The following OLFML2B variants were observed in gnomAD, a reference collection of about 807,000 sequenced individuals.
OLFML2B encodes the protein olfactomedin-like protein 2B.
A neutral mutation model predicts 74.9 loss-of-function variants in OLFML2B; 57 were observed. The ratio of observed to expected loss-of-function variants is 0.76; its 90% confidence interval spans 0.61 to 0.95. OLFML2B has a LOEUF of 0.95. Among genes scored for constraint, OLFML2B ranks in the 40% least tolerant of loss-of-function variants. OLFML2B has a pLI of 0.00. For missense variants in OLFML2B, 986 were observed against 970.6 expected (o/e 1.02, Z -0.21); for synonymous variants, 388 against 405.8 (o/e 0.96, Z 0.53).
rs577503422 is a variant in OLFML2B, at chr1:162,018,356, C to T, written c.439-849G>A. 4.6e-5 allele frequency among the ~76,000 whole-genome samples: 7 copies of T among 152,284 alleles called. No homozygotes were observed. In the South Asian group the frequency reaches 1.2e-3, roughly 27 times the overall value. On this transcript the variant is annotated intron_variant, in intron 2 of 7. Transcript: ENST00000294794. ...ATCTCTGTTTCCCCAAGATAGCTGG[C>T]TCATAACAGGTATTTTTATTCTATA...
chr1:161,994,612 C>T (rs1039245759), intron 6 of OLFML2B, among the ~76,000 whole-genome samples: 4 of 152,206 alleles, frequency 2.6e-5, no homozygotes, highest in African/African-American at 9.6e-5. Context: ...GTAGCCTGAG[C>T]TATTCCCAAA....
chr1:162,006,237 G>A, intron 4 of OLFML2B, 60 bp downstream of exon 4: 1 of 1,462,362 alleles, frequency 6.8e-7, no homozygotes, highest in East Asian at 2.4e-5. Context: ...GCAGAGGAGA[G>A]ATGCTGATAT....
chr1:162,021,868 T>C (rs1345944334), intron 1 of OLFML2B, among the ~76,000 whole-genome samples: 1 of 152,128 alleles, frequency 6.6e-6, no homozygotes, highest in Admixed American at 6.5e-5. Context: ...AGCCCCAGTG[T>C]GAGAGATTTT....
chr1:161,990,737 T>C (rs1219201391), intron 6 of OLFML2B, among the ~76,000 whole-genome samples: 1 of 152,230 alleles, frequency 6.6e-6, no homozygotes, highest in Non-Finnish European at 1.5e-5. Context: ...CTTCCTTTCA[T>C]GAAAGATTTC....
chr1:162,013,536 T>A (rs535691953), intron 3 of OLFML2B, among the ~76,000 whole-genome samples: 2 of 152,318 alleles, frequency 1.3e-5, no homozygotes, highest in African/African-American at 4.8e-5. Context: ...GGAGGCAATG[T>A]AAACTTATAC....
At chr1:161,996,000 C>A (rs1689887321) in intron 6 of OLFML2B, among the ~76,000 whole-genome samples, 1 of 152,168 alleles carries the variant, frequency 6.6e-6, no homozygotes, top group Non-Finnish European at 1.5e-5. Context: ...CCAAGGCAGT[C>A]TGCAGAAACA....
intron 6 of OLFML2B, among the ~76,000 whole-genome samples, chr1:161,995,680 C>T (rs1418797339): frequency 6.6e-6 from 1 of 152,166 alleles, no homozygotes; most frequent in African/African-American, 2.4e-5. Context: ...GGAAGAGGCT[C>T]CCAGGCTGGC....
At chr1:161,999,945 C>T (rs577147638) in intron 5 of OLFML2B, among the ~76,000 whole-genome samples, 168 bp downstream of exon 5, 4 of 152,280 alleles carry the variant, frequency 2.6e-5, no homozygotes, top group East Asian at 3.9e-4. Context: ...GGCCACTCAG[C>T]GAGCTGTGAG....
intron 2 of OLFML2B, among the ~76,000 whole-genome samples, chr1:162,018,416 C>T (rs7532680): frequency 0.36 from 54,438 of 152,056 alleles, 14,157 homozygotes; most frequent in African/African-American, 0.73. Context: ...TGTCAATACC[C>T]TGAGGATGTG....
At chr1:162,018,446 C>T (rs1558069030) in intron 2 of OLFML2B, among the ~76,000 whole-genome samples, 1 of 152,180 alleles carries the variant, frequency 6.6e-6, no homozygotes. Flanking sequence ...CACTCAATTT[C>T]ATTGTCTACT....
chr1:161,998,481 C>T lies in OLFML2B; in HGVS notation c.950-132G>A, dbSNP rs891213947. Reference sequence around the variant, plus strand: ...ACGACGGCTTGAGTTACAGAGGGGGCCTGGCTGGGATTTTGGAAGAAGGTG... The same window carrying T: ...ACGACGGCTTGAGTTACAGAGGGGGTCTGGCTGGGATTTTGGAAGAAGGTG... On this transcript the variant is annotated intron_variant, in intron 5 of 7. Transcript: ENST00000294794. 6.1e-6 allele frequency: 6 copies of T among 987,960 alleles called. No homozygotes were observed. In the African/African-American group the frequency reaches 6.5e-5, roughly 11 times the overall value. 61.2% of individuals were successfully genotyped at this position (987,960 alleles called of 1,614,324 possible).
At chr1:162,002,699 C>T (rs1050262112) in intron 4 of OLFML2B, among the ~76,000 whole-genome samples, 1 of 152,176 alleles carries the variant, frequency 6.6e-6, no homozygotes, top group Non-Finnish European at 1.5e-5. Flanking sequence ...CAGTGGTGAC[C>T]GACTCCTGAA....
In OLFML2B at chr1:162,006,286, T is replaced by C. The variant is rs756038822; in HGVS notation, c.723+11A>G. 10 of 1,548,896 alleles carry C rather than the reference T, an allele frequency of 6.5e-6. No individual in the cohort carries two copies. Among genetic ancestry groups the C allele is most frequent in the Non-Finnish European group, 8.7e-6 (10 of 1,151,826 alleles). ...CTTGTGATCAGAGGCCCTTGGAGGC[T>C]GGGGCTATACCTCTGGGTGGGCGTA... On this transcript the variant is annotated intron_variant, in intron 4 of 7. Coordinates refer to ENST00000294794, the MANE Select transcript of OLFML2B (RefSeq NM_015441.3).
At chr1:162,007,177 A>C (rs1690258769) in intron 3 of OLFML2B, among the ~76,000 whole-genome samples, 1 of 152,194 alleles carries the variant, frequency 6.6e-6, no homozygotes, top group African/African-American at 2.4e-5. Context: ...GTACCTCTTG[A>C]GTGTCTAAGT....
At chr1:162,005,902 C>CT (rs368990706) in intron 4 of OLFML2B, among the ~76,000 whole-genome samples, 2,142 of 77,796 alleles carry the variant, frequency 0.028, 197 homozygotes, top group African/African-American at 0.059. Context: ...TGGAACCTAT[C>CT]AAAAAAAAAA....
At chr1:162,012,622 C>T (rs1018532830) in intron 3 of OLFML2B, among the ~76,000 whole-genome samples, 6 of 152,238 alleles carry the variant, frequency 3.9e-5, no homozygotes, top group South Asian at 2.1e-4. Flanking sequence ...CAGGTAGATT[C>T]GTGAAAAAGG....
intron 6 of OLFML2B, among the ~76,000 whole-genome samples, chr1:161,990,471 A>T (rs1191351289): frequency 6.6e-6 from 1 of 152,244 alleles, no homozygotes; most frequent in Non-Finnish European, 1.5e-5. Flanking sequence ...TTATGTTTAC[A>T]CTATACTGCA....
chr1:162,023,760 C>T lies in OLFML2B; in HGVS notation c.-330G>A. ...CTCAGGTGGCTGGAAGGCGTTCGGA[C>T]AGACGCCCGCGGTGCGCGCCGGGAC... On this transcript the variant is annotated 5_prime_UTR_variant, in exon 1 of 8. Coordinates refer to ENST00000294794, the MANE Select transcript of OLFML2B (RefSeq NM_015441.3). The T allele has an allele frequency of 5.5e-6, 1 of 182,086 alleles. No individual in the cohort carries two copies. Among genetic ancestry groups the T allele is most frequent in the Non-Finnish European group, 1.1e-5 (1 of 87,922 alleles). 11.3% of individuals were successfully genotyped at this position (182,086 alleles called of 1,614,324 possible).
At position 161,989,886 on chromosome 1, in the gene OLFML2B, A is replaced by G. The variant is rs1202707384; in HGVS notation, c.1475-4906T>C. On this transcript the variant is annotated intron_variant, in intron 6 of 7. Coordinates refer to ENST00000294794, the MANE Select transcript of OLFML2B (RefSeq NM_015441.3). ...GTAGGTGTGTTGCCCCAGAGGCCAC[A>G]TTTTACATTTGAACCAGATCGTGCT... Among the ~76,000 whole-genome samples the G allele has an allele frequency of 3.3e-5, 5 of 152,200 alleles. No individual in the cohort carries two copies. In the South Asian group the frequency reaches 8.3e-4, roughly 25 times the overall value.
Sources: gnomAD v4.1 joint callset for allele counts (sites outside exome capture counted in the v4.1 genomes callset) on GRCh38, gnomAD v4.1.1 for gene constraint, MANE v1.5 for transcripts, NCBI Gene and HGNC (gene_info 2026-07-23, HGNC 2026-07-21) for gene names.